CDH13: variants seen among roughly 807,000 people sequenced by gnomAD.
The protein encoded by CDH13 is cadherin-13.
In CDH13, 24 loss-of-function variants were observed where a neutral mutation model predicts 63.8. The ratio of observed to expected loss-of-function variants is 0.38; its 90% CI spans 0.27 to 0.53. The LOEUF (loss-of-function observed/expected upper bound fraction) is 0.53, where lower values mean the gene tolerates loss of function less well. CDH13 is among the 20% of genes least tolerant of loss of function. The probability of loss-of-function intolerance (pLI) is 0.85; values close to 1 mark genes in which losing one functional copy is unlikely to be tolerated. For missense variants in CDH13, 1,049 were observed against 903.1 expected (o/e 1.16, Z -2.07); for synonymous variants, 503 against 355.3 (o/e 1.42, Z -4.67).
At chr16:83,315,629 A>C (rs894136375) in intron 5 of CDH13, among the ~76,000 whole-genome samples, 3 of 143,328 alleles carry the variant, frequency 2.1e-5, no homozygotes, top group Non-Finnish European at 3.1e-5. Context: ...AATATGTTAC[A>C]AACTCTGGAT....
rs1379252841 is a variant in CDH13, at chr16:83,260,743, A to T, written c.636+43246A>T. Reference sequence around the variant, plus strand: ...TCCAGTAATGCCTCCTTTCTCCTTCAAGGGCATCTTATTGTCTCATTACTC... The same window carrying T: ...TCCAGTAATGCCTCCTTTCTCCTTCTAGGGCATCTTATTGTCTCATTACTC... On this transcript the variant is annotated intron_variant, in intron 5 of 13. Transcript: ENST00000567109. 2.6e-5 allele frequency among the ~76,000 whole-genome samples: 4 copies of T among 152,190 alleles called. No individual in the cohort carries two copies. The South Asian group carries it at 6.2e-4, about 24-fold the overall frequency.
At chr16:82,799,905 T>G (rs2036769479) in intron 1 of CDH13, among the ~76,000 whole-genome samples, 3 of 152,184 alleles carry the variant, frequency 2.0e-5, no homozygotes, top group Admixed American at 2.0e-4. Context: ...CTGTCAGAAT[T>G]GGACAACGTA....
At chr16:82,653,438 C>A (rs1365042963) in intron 1 of CDH13, among the ~76,000 whole-genome samples, 1 of 152,154 alleles carries the variant, frequency 6.6e-6, no homozygotes, top group Non-Finnish European at 1.5e-5. Flanking sequence ...CCAGGAAGGC[C>A]TTCTGGGGAA....
chr16:83,010,678 C>G (rs1303871678), intron 2 of CDH13, among the ~76,000 whole-genome samples: 1 of 152,094 alleles, frequency 6.6e-6, no homozygotes, highest in Non-Finnish European at 1.5e-5. Context: ...GATGAAGTCC[C>G]TAATGGTTGT....
intron 2 of CDH13, among the ~76,000 whole-genome samples, chr16:83,014,008 A>G (rs80226424): frequency 0.033 from 5,017 of 152,246 alleles, 113 homozygotes; most frequent in Non-Finnish European, 0.048. Flanking sequence ...CCTTTGCTAA[A>G]CACTCGAGGT....
At chr16:83,366,237 C>G (rs1393418815) in intron 6 of CDH13, among the ~76,000 whole-genome samples, 1 of 152,166 alleles carries the variant, frequency 6.6e-6, no homozygotes, top group Admixed American at 6.5e-5. Flanking sequence ...TTACAATTTT[C>G]AAGTATTCCC....
intron 5 of CDH13, among the ~76,000 whole-genome samples, chr16:83,342,631 T>C (rs1350121886): frequency 6.6e-6 from 1 of 152,212 alleles, no homozygotes; most frequent in Non-Finnish European, 1.5e-5. Context: ...CAATGGTGTC[T>C]CCTTAGTTTC....
chr16:83,379,932 T>TAGAGAGAGAG (rs1221020454), intron 6 of CDH13, among the ~76,000 whole-genome samples: 2 of 86,276 alleles, frequency 2.3e-5, no homozygotes, highest in Non-Finnish European at 5.1e-5. Flanking sequence ...TATATATATA[T>TAGAGAGAGAG]ATATATAGAG....
intron 2 of CDH13, among the ~76,000 whole-genome samples, chr16:82,980,355 A>C (rs560547314): frequency 6.6e-6 from 1 of 152,296 alleles, no homozygotes; most frequent in Non-Finnish European, 1.5e-5. Context: ...CGTAAAGACC[A>C]ATCTCCAGGG....
chr16:83,217,790 T>G (rs534690198), intron 5 of CDH13, among the ~76,000 whole-genome samples: 11 of 152,146 alleles, frequency 7.2e-5, no homozygotes, highest in Non-Finnish European at 1.0e-4. Context: ...AGGGCAACTT[T>G]GGCTTTCCAG....
intron 1 of CDH13, among the ~76,000 whole-genome samples, chr16:82,686,688 T>G (rs1915104892): frequency 6.6e-6 from 1 of 152,262 alleles, no homozygotes; most frequent in South Asian, 2.1e-4. Context: ...AAGATTTTAG[T>G]GCAGGCCTTT....
chr16:82,876,266 C>T (rs1203041362), intron 2 of CDH13, among the ~76,000 whole-genome samples: 1 of 152,188 alleles, frequency 6.6e-6, no homozygotes, highest in African/African-American at 2.4e-5. Context: ...TTACTTGTAT[C>T]TCTGCCAGAC....
intron 2 of CDH13, among the ~76,000 whole-genome samples, chr16:82,887,222 T>C (rs868005361): frequency 2.0e-5 from 3 of 152,126 alleles, no homozygotes; most frequent in Admixed American, 2.0e-4. Context: ...ATACATACTT[T>C]CAGCTTTGCA....
intron 1 of CDH13, among the ~76,000 whole-genome samples, chr16:82,802,052 T>C (rs1475838116): frequency 6.6e-6 from 1 of 152,272 alleles, no homozygotes; most frequent in African/African-American, 2.4e-5. Context: ...AGACTACATA[T>C]AGGCTGGCTC....
chr16:83,394,983 A>C (rs77666887), intron 6 of CDH13, among the ~76,000 whole-genome samples: 1 of 152,036 alleles, frequency 6.6e-6, no homozygotes, highest in Admixed American at 6.5e-5. Flanking sequence ...TCCCGTCTCT[A>C]CTAAAAATGC....
chr16:83,095,496 C>T (rs1446746517), intron 3 of CDH13, among the ~76,000 whole-genome samples: 1 of 152,142 alleles, frequency 6.6e-6, no homozygotes, highest in African/African-American at 2.4e-5. Context: ...CTGGTATATC[C>T]TCTCAAAGGC....
At chr16:83,474,832 T>C (rs9925903) in intron 6 of CDH13, among the ~76,000 whole-genome samples, 72,192 of 152,034 alleles carry the variant, frequency 0.47, 17,652 homozygotes, top group East Asian at 0.84. Flanking sequence ...AGTGACTGTT[T>C]GACTTCTGCC....
intron 4 of CDH13, among the ~76,000 whole-genome samples, chr16:83,168,243 A>C (rs1319400824): frequency 6.6e-6 from 1 of 152,122 alleles, no homozygotes; most frequent in African/African-American, 2.4e-5. Context: ...TTATTTTTAA[A>C]ATAAATGAAC....
chr16:82,989,097 G>C (rs72792127), intron 2 of CDH13, among the ~76,000 whole-genome samples: 19,238 of 152,192 alleles, frequency 0.13, 1,390 homozygotes, highest in Middle Eastern at 0.19. Flanking sequence ...CAGAGAAAAT[G>C]AACTTTCAAA....
Sources: allele counts gnomAD v4.1 joint callset (sites outside exome capture counted in the v4.1 genomes callset), GRCh38; gene constraint gnomAD v4.1.1; transcripts MANE v1.5; gene names NCBI Gene and HGNC (gene_info 2026-07-23, HGNC 2026-07-21).